The following SLC15A5 variants were observed in gnomAD, a reference collection of about 807,000 sequenced individuals.
SLC15A5 encodes Peptide/histidine transporter ENSP00000340402.
A neutral mutation model predicts 56.1 loss-of-function variants in SLC15A5; 58 were observed. The observed-to-expected ratio is 1.03, with a 90% CI of 0.84 to 1.29. The LOEUF is 1.29. Among genes scored for constraint, SLC15A5 ranks in the 50% most tolerant of loss-of-function variants. The pLI is 0.00. For missense variants in SLC15A5, 681 were observed against 672.1 expected (o/e 1.01, Z -0.15); for synonymous variants, 264 against 250.5 (o/e 1.05, Z -0.51).
chr12:16,270,556 A>G (rs996815509), intron 2 of SLC15A5, among the ~76,000 whole-genome samples: 1 of 152,194 alleles, frequency 6.6e-6, no homozygotes, highest in Non-Finnish European at 1.5e-5. Flanking sequence ...ATTTAGCAAT[A>G]ATCATAACAA....
chr12:16,221,520 G>A (rs1201379858), intron 6 of SLC15A5, among the ~76,000 whole-genome samples: 1 of 152,182 alleles, frequency 6.6e-6, no homozygotes, highest in Non-Finnish European at 1.5e-5. Flanking sequence ...CACATTTCTG[G>A]GGATGTGGTC....
intron 7 of SLC15A5, among the ~76,000 whole-genome samples, chr12:16,202,361 A>T (rs554528949): frequency 1.3e-5 from 2 of 152,230 alleles, no homozygotes; most frequent in South Asian, 4.1e-4. Flanking sequence ...TTCAATATCA[A>T]TGATCATCAG....
intron 3 of SLC15A5, among the ~76,000 whole-genome samples, chr12:16,248,853 C>G (rs1864490597): frequency 1.3e-5 from 2 of 152,068 alleles, no homozygotes; most frequent in Non-Finnish European, 2.9e-5. Context: ...AAAAATTCAA[C>G]TGAGACTTCA....
At chr12:16,263,595 C>T (rs1170600679) in intron 2 of SLC15A5, among the ~76,000 whole-genome samples, 1 of 152,138 alleles carries the variant, frequency 6.6e-6, no homozygotes, top group Non-Finnish European at 1.5e-5. Flanking sequence ...AATGTCTCTC[C>T]AGGGCATGTC....
At chr12:16,238,840 A>C (rs1208535709) in intron 5 of SLC15A5, among the ~76,000 whole-genome samples, 1 of 152,198 alleles carries the variant, frequency 6.6e-6, no homozygotes, top group African/African-American at 2.4e-5. Context: ...ATAATGACTC[A>C]TAATAATAGC....
chr12:16,188,524 T>G lies in SLC15A5; in HGVS notation c.*1144A>C, dbSNP rs1863810123. 1 of 152,224 alleles carries G rather than the reference T, an allele frequency of 6.6e-6. No individual in the cohort carries two copies. Among genetic ancestry groups the G allele is most frequent in the South Asian group, 2.1e-4 (1 of 4,832 alleles). The allele number at this position is 152,224 out of a possible 1,614,324, so 9.4% of individuals were successfully genotyped here. On this transcript the variant is annotated 3_prime_UTR_variant, in exon 9 of 9. Transcript: ENST00000344941. ...TCTTTTATTCTACAGACCTAAAATA[T>G]TTTATGTATACACAAGGGAGGTGCA...
At chr12:16,252,166 A>T (rs1285261406) in intron 3 of SLC15A5, among the ~76,000 whole-genome samples, 1 of 152,006 alleles carries the variant, frequency 6.6e-6, no homozygotes, top group Non-Finnish European at 1.5e-5. Flanking sequence ...CTACCTTAAC[A>T]TAATAAAAGT....
At chr12:16,263,970 G>T (rs754393012) in intron 2 of SLC15A5, among the ~76,000 whole-genome samples, 1 of 152,240 alleles carries the variant, frequency 6.6e-6, no homozygotes, top group African/African-American at 2.4e-5. Context: ...CTGGGGCAGT[G>T]TGGAACAGAA....
chr12:16,239,929 G>A (rs1377291768), intron 4 of SLC15A5, 62 bp from the exon 5 acceptor site: 16 of 1,408,544 alleles, frequency 1.1e-5, no homozygotes, highest in South Asian at 8.1e-5. Context: ...AGAAAGCATC[G>A]TCCACCAGAG....
At chr12:16,231,918 T>A (rs1002985949) in intron 5 of SLC15A5, among the ~76,000 whole-genome samples, 1 of 152,242 alleles carries the variant, frequency 6.6e-6, no homozygotes, top group African/African-American at 2.4e-5. Context: ...GATTGCTGCA[T>A]ATAATAGCTG....
At chr12:16,245,991 G>C (rs1864457569) in intron 3 of SLC15A5, among the ~76,000 whole-genome samples, 1 of 152,160 alleles carries the variant, frequency 6.6e-6, no homozygotes, top group African/African-American at 2.4e-5. Flanking sequence ...GTCAGCCTTT[G>C]ATTAATTGAG....
chr12:16,239,938 A>C, intron 4 of SLC15A5, 71 bp from the exon 5 acceptor site: 1 of 1,360,844 alleles, frequency 7.3e-7, no homozygotes, highest in Non-Finnish European at 9.9e-7. Context: ...CGTCCACCAG[A>C]GGCCTACCCT....
chr12:16,213,243 C>G (rs1233353585), intron 7 of SLC15A5, among the ~76,000 whole-genome samples: 3 of 152,092 alleles, frequency 2.0e-5, no homozygotes, highest in African/African-American at 7.2e-5. Context: ...TAGAAGGGGT[C>G]ATGACTGCCA....
chr12:16,218,279 G>C (rs1318050523), intron 6 of SLC15A5, among the ~76,000 whole-genome samples: 2 of 152,168 alleles, frequency 1.3e-5, no homozygotes, highest in African/African-American at 2.4e-5. Flanking sequence ...GCTTTGAGTG[G>C]TTGAATTACT....
chr12:16,215,371 T>C (rs1178309007), intron 7 of SLC15A5, among the ~76,000 whole-genome samples: 1 of 152,212 alleles, frequency 6.6e-6, no homozygotes. Flanking sequence ...CAGTTCTTCA[T>C]GTATATGTCA....
chr12:16,272,933 G>C, intron 1 of SLC15A5, 150 bp from the exon 2 acceptor site: 2 of 725,650 alleles, frequency 2.8e-6, no homozygotes, highest in Non-Finnish European at 4.4e-6. Flanking sequence ...TTCAGGGATA[G>C]CCTGATGTTT....
chr12:16,254,290 CAG>C (rs1214566492), intron 3 of SLC15A5, among the ~76,000 whole-genome samples: 13 of 151,974 alleles, frequency 8.6e-5, no homozygotes, highest in African/African-American at 3.1e-4. Flanking sequence ...AAAATAGAAA[CAG>C]AAAGTAGAAA....
chr12:16,233,355 G>T (rs1228858449), intron 5 of SLC15A5, among the ~76,000 whole-genome samples: 1 of 152,086 alleles, frequency 6.6e-6, no homozygotes, highest in Non-Finnish European at 1.5e-5. Flanking sequence ...TACGTAACAA[G>T]AGAGAAATAA....
At position 16,259,105 on chromosome 12, in the gene SLC15A5, G is replaced by T. The variant is rs1799490; in HGVS notation, c.585-1235C>A. ...GGAATGCAGTGGTGCAATCATGGCT[G>T]ACTGCAGCTTTGACCTCCCAGGCTG... On this transcript the variant is annotated intron_variant, in intron 2 of 8. Coordinates refer to ENST00000344941, the MANE Select transcript of SLC15A5 (RefSeq NM_001170798.1). Among the ~76,000 whole-genome samples, 27 of 143,508 alleles carry T rather than the reference G, an allele frequency of 1.9e-4. 1 individual carries two copies. The highest frequency in any genetic ancestry group is 6.8e-4 in the African/African-American group (26 of 38,244). 94.1% of individuals were successfully genotyped at this position (143,508 alleles called of 152,430 possible).
Sources: allele counts gnomAD v4.1 joint callset (sites outside exome capture counted in the v4.1 genomes callset), GRCh38; gene constraint gnomAD v4.1.1; transcripts MANE v1.5; gene names NCBI Gene and HGNC (gene_info 2026-07-23, HGNC 2026-07-21).